Variants in EXTL3 observed in about 807,000 individuals in gnomAD.
The protein encoded by EXTL3 is exostosin like glycosyltransferase 3, also known as exostosin-like 3.
Under a neutral mutation model 69.3 loss-of-function variants are expected in EXTL3, and 27 were observed. That is an observed-to-expected ratio of 0.39 (90% CI 0.29 to 0.54). The LOEUF (loss-of-function observed/expected upper bound fraction) is 0.54, where lower values mean the gene tolerates loss of function less well. Among genes scored for constraint, EXTL3 ranks in the 20% least tolerant of loss-of-function variants. EXTL3 has a pLI of 0.69. For synonymous variants in EXTL3, 511 were observed against 499.4 expected (o/e 1.02, Z -0.31); for missense variants, 1,003 against 1,231.8 (o/e 0.81, Z 2.78).
intron 1 of EXTL3, among the ~76,000 whole-genome samples, chr8:28,632,019 C>T (rs1178455483): frequency 2.0e-5 from 3 of 151,672 alleles, no homozygotes; most frequent in Non-Finnish European, 4.4e-5. Context: ...ACCTGGGAGG[C>T]GGAGGTTGCA....
At position 28,671,108 on chromosome 8, in the gene EXTL3, G is replaced by A. The variant is rs563727575; in HGVS notation, c.-52-42349G>A. Among the ~76,000 whole-genome samples the A allele has an allele frequency of 7.9e-5, 12 of 151,878 alleles. No individual in the cohort carries two copies. The East Asian group carries it at 2.3e-3, about 30-fold the overall frequency. ...CGATTCTCCTGCCTCTGCCTCGCCA[G>A]TAGTTGGGATTACAGGTGTGTGCTA... is the stretch of plus-strand genomic sequence containing the variant. On this transcript the variant is annotated intron_variant, in intron 1 of 6. Transcript: ENST00000523149.
At chr8:28,671,867 T>C (rs779915517) in intron 1 of EXTL3, among the ~76,000 whole-genome samples, 2 of 152,168 alleles carry the variant, frequency 1.3e-5, no homozygotes, top group Non-Finnish European at 2.9e-5. Flanking sequence ...TTTTCAGAGA[T>C]GAACAGAATT....
chr8:28,737,680 A>G lies in EXTL3; in HGVS notation c.2421+17A>G, dbSNP rs777196726. 6 of 1,614,034 alleles carry G rather than the reference A, an allele frequency of 3.7e-6. No individual in the cohort carries two copies. The Admixed American group carries it at 8.3e-5, about 22-fold the overall frequency. On this transcript the variant is annotated intron_variant, in intron 5 of 6. Coordinates refer to ENST00000220562, the MANE Select transcript of EXTL3 (RefSeq NM_001440.4). ...TTTCACAAGGTAAGAAAAAGCTGGT[A>G]ATAATGGCATCGACTTGGTGAGAGT...
intron 1 of EXTL3, among the ~76,000 whole-genome samples, chr8:28,712,157 G>A (rs1259837863): frequency 6.6e-6 from 1 of 152,212 alleles, no homozygotes; most frequent in Non-Finnish European, 1.5e-5. Context: ...TGAAGGATGA[G>A]AAAGAGTCTG....
chr8:28,643,847 G>A (rs1806785586), intron 1 of EXTL3, among the ~76,000 whole-genome samples: 1 of 152,050 alleles, frequency 6.6e-6, no homozygotes, highest in Non-Finnish European at 1.5e-5. Context: ...CTCACTGTAG[G>A]TTCAACCTCT....
chr8:28,626,873 A>G (rs1353246007), intron 1 of EXTL3, among the ~76,000 whole-genome samples: 3 of 152,336 alleles, frequency 2.0e-5, no homozygotes, highest in East Asian at 3.9e-4. Flanking sequence ...TTCTCAAGCA[A>G]TACTGTTTAT....
chr8:28,727,585 T>C (rs1235678351), intron 3 of EXTL3, among the ~76,000 whole-genome samples: 1 of 152,218 alleles, frequency 6.6e-6, no homozygotes, highest in Non-Finnish European at 1.5e-5. Context: ...GTTTATAGGA[T>C]TGTCAAGTTT....
At chr8:28,614,183 T>C (rs1563424779) in intron 2 of EXTL3, among the ~76,000 whole-genome samples, 1 of 151,956 alleles carries the variant, frequency 6.6e-6, no homozygotes, top group East Asian at 1.9e-4. Flanking sequence ...GTTTTGTTGA[T>C]TTTTTCTATT....
rs773360948 is a variant in EXTL3 at position 28,623,485 on chromosome 8, G to T, written c.-53+675G>T. On this transcript the variant is annotated intron_variant, in intron 1 of 6. Coordinates refer to the EXTL3 transcript ENST00000523149. This position sits in a 1 kb window ranked among gnomAD's most constrained non-coding sequence, Gnocchi z 4.2. ...GGCGCTCGGAATGCTGAGTTTTGTT[G>T]GTGTTTGTCCTCAGCCTGTTTCTGG... 6.6e-6 allele frequency among the ~76,000 whole-genome samples: 1 copy of T among 152,190 alleles called. No homozygotes were observed. Among genetic ancestry groups the T allele is most frequent in the Non-Finnish European group, 1.5e-5 (1 of 68,032 alleles).
chr8:28,619,369 C>T (rs1240206594), upstream of EXTL3, among the ~76,000 whole-genome samples: 1 of 141,214 alleles, frequency 7.1e-6, no homozygotes, highest in African/African-American at 2.6e-5. Context: ...CTGGCAAGGT[C>T]TCCTGGGGGA....
intron 3 of EXTL3, among the ~76,000 whole-genome samples, chr8:28,724,917 C>T (rs1447591727): frequency 6.6e-6 from 1 of 152,192 alleles, no homozygotes; most frequent in Non-Finnish European, 1.5e-5. Flanking sequence ...TACCTAGGTC[C>T]TCCTGAGCTG....
intron 3 of EXTL3, among the ~76,000 whole-genome samples, chr8:28,725,190 G>C (rs1801388030): frequency 6.6e-6 from 1 of 152,124 alleles, no homozygotes. Flanking sequence ...TCTGAAAAGG[G>C]GCATTTCAAG....
intron 1 of EXTL3, among the ~76,000 whole-genome samples, chr8:28,625,903 ATAATCCCAGCACTT>A (rs1806482821): frequency 6.7e-6 from 1 of 148,928 alleles, no homozygotes; most frequent in Non-Finnish European, 1.5e-5. Context: ...GCTCACGCCT[ATAATCCCAGCACTT>A]TGGGAGGCCA....
intron 2 of EXTL3, among the ~76,000 whole-genome samples, chr8:28,713,903 C>CTTTTTTTTTTTTTTTTT (rs55737430): frequency 3.5e-5 from 4 of 113,776 alleles, no homozygotes; most frequent in African/African-American, 7.1e-5. Context: ...TTCTTTCTTT[C>CTTTTTTTTTTTTTTTTT]TTTTTTTTTT....
At chr8:28,616,155 A>G (rs889324872) in intron 2 of EXTL3, among the ~76,000 whole-genome samples, 1 of 152,214 alleles carries the variant, frequency 6.6e-6, no homozygotes, top group African/African-American at 2.4e-5. Flanking sequence ...GCAGTACAGT[A>G]AGCTACTTTC....
chr8:28,716,970 A>T lies in EXTL3; in HGVS notation c.911A>T (p.Tyr304Phe). ...GCCATGGTGGCCCAGTCCACCTTCTACACTGTCCAGTACAGACCTGGCTTT... is the reference window on the plus strand; with the variant it reads ...GCCATGGTGGCCCAGTCCACCTTCTTCACTGTCCAGTACAGACCTGGCTTT... ...GRAMVAQSTF[Y>F]TVQYRPGFDL... The change falls in exon 3 of 7, where the codon TAC becomes TTC. Residue 304 changes from tyrosine to phenylalanine, a missense_variant. Physicochemically the swap from Tyr to Phe is conservative, Grantham distance 22. Coordinates refer to ENST00000220562, the MANE Select transcript of EXTL3 (RefSeq NM_001440.4). The surrounding 1 kb of genome is among the most constrained non-coding windows in gnomAD (Gnocchi z 7.1). 6.2e-7 allele frequency: 1 copy of T among 1,614,192 alleles called. No individual in the cohort carries two copies. The highest frequency in any genetic ancestry group is 8.5e-7 in the Non-Finnish European group (1 of 1,180,034).
At chr8:28,733,107 G>T (rs1801573515) in intron 4 of EXTL3, among the ~76,000 whole-genome samples, 4 of 152,140 alleles carry the variant, frequency 2.6e-5, no homozygotes. Flanking sequence ...TATGAATAAT[G>T]CTGTGAACCT....
chr8:28,631,933 C>T (rs1418736545), intron 1 of EXTL3, among the ~76,000 whole-genome samples: 2 of 151,756 alleles, frequency 1.3e-5, no homozygotes, highest in Non-Finnish European at 2.9e-5. Context: ...ACTAAAAATA[C>T]AAAAATTAGC....
At chr8:28,718,408 T>TA (rs1554484854) in intron 3 of EXTL3, among the ~76,000 whole-genome samples, 1 of 152,200 alleles carries the variant, frequency 6.6e-6, no homozygotes, top group Non-Finnish European at 1.5e-5. Context: ...CTGTGGCTGT[T>TA]ACTCACTTCC....
Sources: allele counts gnomAD v4.1 joint callset (sites outside exome capture counted in the v4.1 genomes callset), GRCh38; gene constraint gnomAD v4.1.1; non-coding constraint Gnocchi (gnomAD v3.1); transcripts MANE v1.5; gene names NCBI Gene and HGNC (gene_info 2026-07-23, HGNC 2026-07-21).